The following RPA3 variants were observed in gnomAD, a reference collection of about 807,000 sequenced individuals.
RPA3 encodes the protein replication protein A3.
Under a neutral mutation model 13.7 loss-of-function variants are expected in RPA3, and 24 were observed. The ratio of observed to expected loss-of-function variants is 1.75; its 90% confidence interval spans 1.27 to 2.46. The LOEUF (loss-of-function observed/expected upper bound fraction) is 2.46, where lower values mean the gene tolerates loss of function less well. Ranked by LOEUF, RPA3 falls within the 30% of genes most tolerant of loss-of-function variation. The pLI, the probability that RPA3 is intolerant of heterozygous loss-of-function variation, is 0.00. For synonymous variants in RPA3, 59 were observed against 51.2 expected (o/e 1.15, Z -0.65); for missense variants, 183 against 151.0 (o/e 1.21, Z -1.11).
chr7:7,638,987 A>G lies in RPA3; in HGVS notation c.174+83T>C, dbSNP rs376107686. On this transcript the variant is annotated intron_variant, in intron 6 of 7. Coordinates refer to ENST00000223129, the MANE Select transcript of RPA3 (RefSeq NM_002947.5). The stretch of plus-strand genomic sequence containing the variant: ...CTCATCCTTTTTAAATCCATTGCAA[A>G]AATTAGAAACATCGGCAACAAACCA... 3.1e-5 allele frequency: 35 copies of G among 1,144,232 alleles called. No homozygotes were observed. The African/African-American group carries it at 4.3e-4, about 14-fold the overall frequency. 70.9% of individuals were successfully genotyped at this position (1,144,232 alleles called of 1,614,324 possible).
intron 4 of RPA3, among the ~76,000 whole-genome samples, chr7:7,659,983 T>A (rs1785434722): frequency 6.6e-6 from 1 of 152,212 alleles, no homozygotes; most frequent in Non-Finnish European, 1.5e-5. Context: ...ATCTGGGTGA[T>A]CCTGTATTGG....
At chr7:7,717,270 T>C (rs1292908981) in intron 1 of RPA3, among the ~76,000 whole-genome samples, 1 of 152,136 alleles carries the variant, frequency 6.6e-6, no homozygotes, top group Non-Finnish European at 1.5e-5. Context: ...TTGGCCTGGC[T>C]GGTCTCGAAC....
At chr7:7,715,676 T>G (rs1205569953) in intron 1 of RPA3, among the ~76,000 whole-genome samples, 1 of 152,116 alleles carries the variant, frequency 6.6e-6, no homozygotes, top group Admixed American at 6.5e-5. Flanking sequence ...CAGAAAAAAA[T>G]GACCTAAAAG....
rs188336532 is a variant in RPA3 at position 7,703,155 on chromosome 7, G to A, written c.-1028+12020C>T. ...ACAGCTGTAGTTTATTTTATTTGCC[G>A]AAAATAATTACTGGTGCCCACTAAA... On this transcript the variant is annotated intron_variant, in intron 2 of 7. Transcript: ENST00000223129. Among the ~76,000 whole-genome samples, 4 of 152,178 alleles carry A rather than the reference G, an allele frequency of 2.6e-5. No homozygotes were observed. The East Asian group carries it at 5.8e-4, about 22-fold the overall frequency.
chr7:7,648,973 C>G (rs1470316531), intron 4 of RPA3, among the ~76,000 whole-genome samples: 1 of 152,024 alleles, frequency 6.6e-6, no homozygotes, highest in Non-Finnish European at 1.5e-5. Context: ...GCCTGGCCAA[C>G]ATGGCAAAAC....
chr7:7,693,295 T>TATCTATC (rs71543842), intron 2 of RPA3, among the ~76,000 whole-genome samples: 2 of 148,886 alleles, frequency 1.3e-5, no homozygotes, highest in Non-Finnish European at 3.0e-5. Context: ...TAAAATATCT[T>TATCTATC]TATCTATCTA....
chr7:7,649,158 C>CAAAAAAAAAAAAAAAAAAAAAAA (rs34943326), intron 4 of RPA3, among the ~76,000 whole-genome samples: 15 of 128,866 alleles, frequency 1.2e-4, no homozygotes, highest in South Asian at 2.4e-4. Context: ...GACTCCATCT[C>CAAAAAAAAAAAAAAAAAAAAAAA]AAAAAAAAAA....
intron 4 of RPA3, among the ~76,000 whole-genome samples, chr7:7,647,519 A>C (rs1364909259): frequency 2.0e-5 from 3 of 152,212 alleles, no homozygotes; most frequent in African/African-American, 7.2e-5. Context: ...TTGTCTGCTT[A>C]ATATCTCAAT....
At chr7:7,680,691 T>A (rs1041384972) in intron 4 of RPA3, among the ~76,000 whole-genome samples, 4 of 152,134 alleles carry the variant, frequency 2.6e-5, no homozygotes, top group African/African-American at 9.7e-5. Flanking sequence ...TCTTTCCATT[T>A]TTTTTTATGT....
intron 2 of RPA3, among the ~76,000 whole-genome samples, chr7:7,706,641 C>T (rs897260949): frequency 4.6e-5 from 7 of 152,060 alleles, no homozygotes; most frequent in African/African-American, 1.4e-4. Flanking sequence ...AATAATAACT[C>T]ATTTACATAA....
chr7:7,675,869 G>A (rs907777491), intron 4 of RPA3, among the ~76,000 whole-genome samples: 4 of 152,144 alleles, frequency 2.6e-5, no homozygotes, highest in Non-Finnish European at 4.4e-5. Context: ...CTGAGGCCTC[G>A]TTGCCCTTCA....
At chr7:7,698,317 A>T (rs1262487533) in intron 2 of RPA3, among the ~76,000 whole-genome samples, 1 of 152,214 alleles carries the variant, frequency 6.6e-6, no homozygotes, top group Non-Finnish European at 1.5e-5. Context: ...AAATTTTTTT[A>T]GTGCTTTTTA....
At chr7:7,668,537 A>G (rs1359571993) in intron 4 of RPA3, among the ~76,000 whole-genome samples, 1 of 152,214 alleles carries the variant, frequency 6.6e-6, no homozygotes, top group South Asian at 2.1e-4. Flanking sequence ...ATGTGTACAT[A>G]CAGTAAGTTC....
At chr7:7,662,023 A>G (rs1309378912) in intron 4 of RPA3, among the ~76,000 whole-genome samples, 3 of 152,164 alleles carry the variant, frequency 2.0e-5, no homozygotes, top group Admixed American at 1.3e-4. Flanking sequence ...GGAGGAATCT[A>G]GAGAGGCAGT....
chr7:7,642,234 A>C (rs1374463374), intron 4 of RPA3, among the ~76,000 whole-genome samples: 1 of 151,948 alleles, frequency 6.6e-6, no homozygotes, highest in Admixed American at 6.6e-5. Flanking sequence ...TCGTAGGCTT[A>C]AGCGATCCTC....
chr7:7,637,534 G>A (rs1484555514), intron 7 of RPA3, among the ~76,000 whole-genome samples: 1 of 151,894 alleles, frequency 6.6e-6, no homozygotes, highest in Non-Finnish European at 1.5e-5. Flanking sequence ...AAATGTGGCA[G>A]TACTAAAACT....
intron 4 of RPA3, among the ~76,000 whole-genome samples, chr7:7,666,761 C>T (rs1779469362): frequency 6.6e-6 from 1 of 151,890 alleles, no homozygotes; most frequent in Non-Finnish European, 1.5e-5. Context: ...TATGTGATTT[C>T]CAGGAATTTT....
intron 4 of RPA3, among the ~76,000 whole-genome samples, chr7:7,666,697 A>C (rs1013429808): frequency 7.2e-5 from 11 of 151,884 alleles, no homozygotes; most frequent in Non-Finnish European, 1.6e-4. Flanking sequence ...CTGTTTTTTC[A>C]TTATTGAGTT....
intron 2 of RPA3, among the ~76,000 whole-genome samples, chr7:7,700,575 A>G (rs897142685): frequency 4.0e-5 from 6 of 150,886 alleles, no homozygotes; most frequent in Non-Finnish European, 7.4e-5. Context: ...AATAAAAACA[A>G]CAAACAAACA....
Sources: allele counts gnomAD v4.1 joint callset (sites outside exome capture counted in the v4.1 genomes callset), GRCh38; gene constraint gnomAD v4.1.1; transcripts MANE v1.5; gene names NCBI Gene and HGNC (gene_info 2026-07-23, HGNC 2026-07-21).